The following CES1 variants were observed in gnomAD, a reference collection of about 807,000 sequenced individuals.
CES1 encodes the protein carboxylesterase 1, also known as liver carboxylesterase 1.
A neutral mutation model predicts 53.0 loss-of-function variants in CES1; 50 were observed. That is an observed-to-expected ratio of 0.94 (90% CI 0.75 to 1.19). The LOEUF is 1.19. CES1 is among the 50% of genes most tolerant of loss of function. The probability of loss-of-function intolerance (pLI) is 0.00; values close to 1 mark genes in which losing one functional copy is unlikely to be tolerated. For synonymous variants in CES1, 202 were observed against 210.1 expected (o/e 0.96, Z 0.33); for missense variants, 534 against 538.0 (o/e 0.99, Z 0.07).
intron 1 of CES1, among the ~76,000 whole-genome samples, chr16:55,832,063 C>A (rs2032705123): frequency 6.6e-6 from 1 of 152,200 alleles, no homozygotes; most frequent in Non-Finnish European, 1.5e-5. Flanking sequence ...GGTTGCCATG[C>A]CCTGGCCACT....
At chr16:55,816,193 G>A (rs1484938735) in intron 8 of CES1, among the ~76,000 whole-genome samples, 1 of 152,278 alleles carries the variant, frequency 6.6e-6, no homozygotes, top group Non-Finnish European at 1.5e-5. Flanking sequence ...TACTTGATTT[G>A]CTTTTTTATT....
chr16:55,809,424 G>A (rs58255959), intron 11 of CES1, among the ~76,000 whole-genome samples: 5,518 of 152,240 alleles, frequency 0.036, 319 homozygotes, highest in African/African-American at 0.12. Flanking sequence ...TTCCAGCATG[G>A]TTAGAGAGAG....
chr16:55,825,048 G>A (rs377392896), intron 3 of CES1, among the ~76,000 whole-genome samples: 2 of 152,198 alleles, frequency 1.3e-5, no homozygotes, highest in Admixed American at 6.5e-5. Flanking sequence ...CTGAAGGGAG[G>A]ATATGTCTCT....
chr16:55,813,239 G>A (rs553049655), intron 8 of CES1, among the ~76,000 whole-genome samples, 196 bp from the exon 9 acceptor site: 1 of 152,312 alleles, frequency 6.6e-6, no homozygotes, highest in East Asian at 1.9e-4. Context: ...GGCTGACACT[G>A]CTCAGGTGAT....
intron 10 of CES1, 73 bp from the exon 11 acceptor site, chr16:55,810,737 G>T: frequency 6.4e-7 from 1 of 1,571,326 alleles, no homozygotes; most frequent in Non-Finnish European, 8.8e-7. Context: ...AGAAAGTCCT[G>T]CCTCAATGGT....
At chr16:55,826,387 T>C in intron 2 of CES1, 92 bp from the exon 3 acceptor site, 1 of 1,466,964 alleles carries the variant, frequency 6.8e-7, no homozygotes, top group African/African-American at 1.4e-5. Flanking sequence ...GGTTTAAGCC[T>C]GGAAATGGAC....
intron 1 of CES1, among the ~76,000 whole-genome samples, chr16:55,832,392 A>G (rs1379260126): frequency 2.6e-5 from 4 of 152,186 alleles, no homozygotes; most frequent in Admixed American, 2.6e-4. Flanking sequence ...CTATTCATAC[A>G]CTACGTTTTT....
At chr16:55,813,207 C>T (rs1161236087) in intron 8 of CES1, among the ~76,000 whole-genome samples, 164 bp from the exon 9 acceptor site, 1 of 152,186 alleles carries the variant, frequency 6.6e-6, no homozygotes, top group Non-Finnish European at 1.5e-5. Flanking sequence ...CTCCATGACT[C>T]AGGGGCAGAA....
intron 8 of CES1, among the ~76,000 whole-genome samples, chr16:55,815,166 TG>T (rs1336609143): frequency 2.0e-5 from 3 of 152,134 alleles, no homozygotes; most frequent in South Asian, 2.1e-4. Flanking sequence ...GTTCTTGGCT[TG>T]GAGAAATGCT....
At chr16:55,825,137 G>T (rs1597086496) in intron 3 of CES1, among the ~76,000 whole-genome samples, 3 of 152,280 alleles carry the variant, frequency 2.0e-5, no homozygotes, top group Admixed American at 2.0e-4. Flanking sequence ...GAAGCCCCAG[G>T]TCTAACTGTG....
chr16:55,810,191 C>T (rs553302315), intron 11 of CES1, among the ~76,000 whole-genome samples: 5 of 152,132 alleles, frequency 3.3e-5, no homozygotes, highest in South Asian at 4.1e-4. Flanking sequence ...TGAGTTTCCC[C>T]GCTCCAGTTG....
At position 55,832,990 on chromosome 16, in the gene CES1, T is replaced by C; in HGVS notation, c.52+14A>G. 1 of 1,552,192 alleles carries C rather than the reference T, an allele frequency of 6.4e-7. No individual in the cohort carries two copies. Among genetic ancestry groups the C allele is most frequent in the Non-Finnish European group, 8.9e-7 (1 of 1,129,696 alleles). Reference sequence around the variant, plus strand: ...TCAAAAAGTGCCCCGCATTTTGATTTCAGAAGGACTCACCCCAAGCCGCGG... The same window carrying C: ...TCAAAAAGTGCCCCGCATTTTGATTCCAGAAGGACTCACCCCAAGCCGCGG... On this transcript the variant is annotated intron_variant, in intron 1 of 13. Coordinates refer to ENST00000360526, the MANE Select transcript of CES1 (RefSeq NM_001025195.2).
chr16:55,813,154 C>G (rs1178851296), intron 8 of CES1, 111 bp from the exon 9 acceptor site: 5 of 1,450,830 alleles, frequency 3.4e-6, no homozygotes, highest in Non-Finnish European at 4.8e-6. Context: ...TGGCCATGCG[C>G]CATGGCTGCA....
intron 11 of CES1, 146 bp downstream of exon 11, chr16:55,810,371 A>T (rs2031631843): frequency 9.1e-7 from 1 of 1,098,830 alleles, no homozygotes; most frequent in Non-Finnish European, 1.4e-6. Flanking sequence ...CCAAAATAAG[A>T]CAGCACCTCA....
chr16:55,828,172 G>GCGT, intron 2 of CES1: 1 of 182,208 alleles, frequency 5.5e-6, no homozygotes, highest in South Asian at 1.2e-4. Context: ...GTGATGGTGA[G>GCGT]GCCAATTAGA....
rs1490036489 is a variant in CES1, at chr16:55,812,786, A to G, written c.1086+117T>C. 9 of 1,443,530 alleles carry G rather than the reference A, an allele frequency of 6.2e-6. No individual in the cohort carries two copies. In the African/African-American group the frequency reaches 8.5e-5, roughly 14 times the overall value. 89.4% of individuals were successfully genotyped at this position (1,443,530 alleles called of 1,614,324 possible). The stretch of plus-strand genomic sequence containing the variant: ...CCGTGGAAATGTTAACTCCTGCTGA[A>G]GGGAACAGCTGCCCAGGACTCAGAG... On this transcript the variant is annotated intron_variant, in intron 9 of 13. Transcript: ENST00000360526.
intron 8 of CES1, among the ~76,000 whole-genome samples, chr16:55,816,220 G>A (rs1380110509): frequency 6.6e-6 from 1 of 152,232 alleles, no homozygotes; most frequent in African/African-American, 2.4e-5. Context: ...TCCTGGCACT[G>A]TAATGGAAGG....
chr16:55,817,609 G>A (rs1235964247), intron 7 of CES1, among the ~76,000 whole-genome samples: 2 of 152,160 alleles, frequency 1.3e-5, no homozygotes, highest in Admixed American at 6.5e-5. Context: ...TGTAACCAGT[G>A]CAGGTCCCTC....
intron 4 of CES1, among the ~76,000 whole-genome samples, chr16:55,821,733 T>G (rs1200704599): frequency 6.6e-6 from 1 of 152,238 alleles, no homozygotes; most frequent in African/African-American, 2.4e-5. Flanking sequence ...ATCTACTGTA[T>G]GCCTGACGCT....
Sources: allele counts gnomAD v4.1 joint callset (sites outside exome capture counted in the v4.1 genomes callset), GRCh38; gene constraint gnomAD v4.1.1; transcripts MANE v1.5; gene names NCBI Gene and HGNC (gene_info 2026-07-23, HGNC 2026-07-21).